Variants in HIVEP3 observed in about 807,000 individuals in gnomAD.
HIVEP3 encodes the protein transcription factor HIVEP3.
Under a neutral mutation model 152.8 loss-of-function variants are expected in HIVEP3, and 49 were observed. The ratio of observed to expected loss-of-function variants is 0.32; its 90% CI spans 0.26 to 0.41. The LOEUF (loss-of-function observed/expected upper bound fraction) is 0.41. HIVEP3 is among the 10% of genes least tolerant of loss of function. The probability of loss-of-function intolerance (pLI) is 1.00; values close to 1 mark genes in which losing one functional copy is unlikely to be tolerated. For missense variants in HIVEP3, 2,790 were observed against 3,103.3 expected (o/e 0.90, Z 2.40); for synonymous variants, 1,269 against 1,289.0 (o/e 0.98, Z 0.33).
chr1:41,583,445 C>T lies in HIVEP3; in HGVS notation c.1353G>A (p.Leu451=), dbSNP rs750535474. The T allele has an allele frequency of 6.2e-7, 1 of 1,613,916 alleles. No homozygotes were observed. Among genetic ancestry groups the T allele is most frequent in the East Asian group, 2.2e-5 (1 of 44,854 alleles). The change falls in exon 4 of 9, where the codon CTG becomes CTA. Residue 451 remains leucine (L), a synonymous_variant. Transcript: ENST00000372583. This position sits in a 1 kb window ranked among gnomAD's most constrained non-coding sequence, Gnocchi z 6.9. ...LPLSTEDKPS[L]VPLSVPRTQV... ...GCGTCCGGGGTACAGACAAAGGCAC[C>T]AGGCTGGGCTTGTCTTCGGTGGACA...
intron 1 of HIVEP3, among the ~76,000 whole-genome samples, chr1:41,809,622 C>G (rs543657652): frequency 6.6e-6 from 1 of 152,208 alleles, no homozygotes; most frequent in Non-Finnish European, 1.5e-5. Context: ...AAGCTAAAGT[C>G]AAATCACATT....
At chr1:41,538,905 T>C (rs1490322518) in intron 5 of HIVEP3, among the ~76,000 whole-genome samples, 1 of 152,120 alleles carries the variant, frequency 6.6e-6, no homozygotes, top group East Asian at 1.9e-4. Context: ...GAACAGTGAC[T>C]TCCAATCTGT....
At chr1:41,605,312 GGTGTACAA>G (rs559834771) in intron 3 of HIVEP3, among the ~76,000 whole-genome samples, 1 of 149,976 alleles carries the variant, frequency 6.7e-6, no homozygotes, top group Non-Finnish European at 1.5e-5. Context: ...CAGTTTTCTG[GGTGTACAA>G]TTGTTCCACA....
intron 5 of HIVEP3, among the ~76,000 whole-genome samples, chr1:41,560,901 C>T (rs1644050074): frequency 6.6e-6 from 1 of 152,218 alleles, no homozygotes; most frequent in African/African-American, 2.4e-5. Context: ...TGCCTCACCT[C>T]AAACCAGGGT....
chr1:41,990,112 G>T (rs1272801766), intron 1 of HIVEP3, among the ~76,000 whole-genome samples: 1 of 98,384 alleles, frequency 1.0e-5, no homozygotes, highest in Non-Finnish European at 2.1e-5. Flanking sequence ...TTTAGGGCAG[G>T]CCTGGTGGTG....
chr1:42,014,980 C>G (rs1273943940), intron 1 of HIVEP3, among the ~76,000 whole-genome samples: 1 of 152,132 alleles, frequency 6.6e-6, no homozygotes, highest in African/African-American at 2.4e-5. Flanking sequence ...GCAAACACAT[C>G]TGTGACTGTC....
At chr1:41,951,421 G>A (rs1367462955) in intron 1 of HIVEP3, among the ~76,000 whole-genome samples, 2 of 152,192 alleles carry the variant, frequency 1.3e-5, no homozygotes, top group African/African-American at 4.8e-5. Flanking sequence ...GACAATGACT[G>A]AGAGAGGGCA....
chr1:41,686,565 G>T (rs1347493170), intron 2 of HIVEP3, among the ~76,000 whole-genome samples: 1 of 152,184 alleles, frequency 6.6e-6, no homozygotes, highest in Non-Finnish European at 1.5e-5. Context: ...GACATATCAA[G>T]CCTGGACATA....
chr1:41,994,879 C>T (rs770382389), intron 1 of HIVEP3, among the ~76,000 whole-genome samples: 22 of 151,356 alleles, frequency 1.5e-4, no homozygotes, highest in Admixed American at 4.6e-4. Flanking sequence ...AAAAATAACC[C>T]GAGAGGCTCC....
intron 5 of HIVEP3, among the ~76,000 whole-genome samples, chr1:41,531,629 A>G (rs1455285832): frequency 1.4e-4 from 6 of 44,042 alleles, no homozygotes; most frequent in African/African-American, 3.2e-4. Flanking sequence ...GAGAGATGGA[A>G]GACGGGAGAT....
intron 2 of HIVEP3, among the ~76,000 whole-genome samples, chr1:41,670,452 G>A (rs149156047): frequency 6.6e-6 from 1 of 152,162 alleles, no homozygotes; most frequent in Non-Finnish European, 1.5e-5. Flanking sequence ...TGTAACACAT[G>A]TTCAGCCACT....
intron 1 of HIVEP3, among the ~76,000 whole-genome samples, chr1:41,810,555 A>G (rs1272986430): frequency 6.6e-6 from 1 of 152,228 alleles, no homozygotes; most frequent in East Asian, 1.9e-4. Flanking sequence ...CCACACCAGT[A>G]GGGGCTGGCC....
chr1:41,554,493 C>T (rs1488930032), intron 5 of HIVEP3, among the ~76,000 whole-genome samples: 1 of 152,208 alleles, frequency 6.6e-6, no homozygotes, highest in African/African-American at 2.4e-5. Context: ...CTTCTGTCAG[C>T]TTGTCAAAGT....
chr1:41,685,751 T>A (rs1646104751), intron 2 of HIVEP3, among the ~76,000 whole-genome samples: 1 of 152,286 alleles, frequency 6.6e-6, no homozygotes, highest in Admixed American at 6.5e-5. Flanking sequence ...TTTCTTTTGC[T>A]GGATTGTAAG....
At chr1:41,861,205 T>C (rs1482010090) in intron 1 of HIVEP3, among the ~76,000 whole-genome samples, 1 of 152,232 alleles carries the variant, frequency 6.6e-6, no homozygotes, top group African/African-American at 2.4e-5. Context: ...TATAGCTGAA[T>C]ACACAAAGTC....
In HIVEP3 at chr1:41,519,921, TGAATGGAA is replaced by T. The variant is rs1324963464; in HGVS notation, c.5384-1441_5384-1434del. ...CTGGATGGGAGGACAGAGACGTGGA[TGAATGGAA>T]GAATGGAAGAATGGCTGGTTGGATG... On this transcript the variant is annotated intron_variant, in intron 6 of 8. Coordinates refer to ENST00000372583, the MANE Select transcript of HIVEP3 (RefSeq NM_024503.5). Among the ~76,000 whole-genome samples, 51 of 151,732 alleles carry T rather than the reference TGAATGGAA, an allele frequency of 3.4e-4. 1 individual carries two copies. Among genetic ancestry groups the T allele is most frequent in the South Asian group, 2.1e-4 (1 of 4,796 alleles).
chr1:41,752,672 G>A (rs951441512), intron 1 of HIVEP3, among the ~76,000 whole-genome samples: 1 of 152,238 alleles, frequency 6.6e-6, no homozygotes, highest in Non-Finnish European at 1.5e-5. Flanking sequence ...GACAGAACCA[G>A]CAGTCTGTGT....
chr1:41,831,943 C>T (rs550874069), intron 1 of HIVEP3, among the ~76,000 whole-genome samples: 1 of 152,316 alleles, frequency 6.6e-6, no homozygotes, highest in South Asian at 2.1e-4. Flanking sequence ...AGTCATCGAA[C>T]TAATAAGTAA....
intron 3 of HIVEP3, among the ~76,000 whole-genome samples, chr1:41,614,164 C>T (rs1644935354): frequency 6.6e-6 from 1 of 152,226 alleles, no homozygotes; most frequent in South Asian, 2.1e-4. Context: ...AGTCTGAGGT[C>T]AGCAGCAGAA....
Sources: gnomAD v4.1 joint callset for allele counts (sites outside exome capture counted in the v4.1 genomes callset) on GRCh38, gnomAD v4.1.1 for gene constraint, Gnocchi (gnomAD v3.1) non-coding constraint, MANE v1.5 for transcripts, NCBI Gene and HGNC (gene_info 2026-07-23, HGNC 2026-07-21) for gene names.